FAM53B: variants seen among roughly 807,000 people sequenced by gnomAD.
FAM53B encodes family with sequence similarity 53 member B.
A neutral mutation model predicts 32.7 loss-of-function variants in FAM53B; 12 were observed. The ratio of observed to expected loss-of-function variants is 0.37; its 90% confidence interval spans 0.24 to 0.59. FAM53B has a LOEUF of 0.59. FAM53B is among the 20% of genes least tolerant of loss of function. The pLI, the probability that FAM53B is intolerant of heterozygous loss-of-function variation, is 0.72. For missense variants in FAM53B, 477 were observed against 577.7 expected, an observed-to-expected ratio of 0.83 and a Z score of 1.79; for synonymous variants, 234 against 228.7, an observed-to-expected ratio of 1.02 and a Z score of -0.21.
intron 4 of FAM53B, among the ~76,000 whole-genome samples, chr10:124,642,356 A>G (rs1300369766): frequency 6.6e-6 from 1 of 152,148 alleles, no homozygotes; most frequent in Non-Finnish European, 1.5e-5. Flanking sequence ...TCTCACACCA[A>G]CGCCTCTCCG....
At position 124,623,183 on chromosome 10, in the gene FAM53B, G is replaced by T; in HGVS notation, c.*59C>A. 2 of 1,515,730 alleles carry T rather than the reference G, an allele frequency of 1.3e-6. No homozygotes were observed. The highest frequency in any genetic ancestry group is 1.8e-6 in the Non-Finnish European group (2 of 1,131,650). The allele number at this position is 1,515,730 out of a possible 1,614,324, so 93.9% of individuals were successfully genotyped here. A position where few individuals can be genotyped will look rare whatever the true frequency, so the allele number is the denominator to read the frequency against. On this transcript the variant is annotated 3_prime_UTR_variant, in exon 5 of 5. Coordinates refer to ENST00000337318, the MANE Select transcript of FAM53B (RefSeq NM_014661.4). ...GCTCCCCTTCAAGGGCCCACCTAGT[G>T]CCCAGAGTGGGGGCTGTCGATGCCA...
chr10:124,707,597 G>A (rs922078404), intron 1 of FAM53B, among the ~76,000 whole-genome samples: 4 of 152,126 alleles, frequency 2.6e-5, no homozygotes, highest in African/African-American at 9.7e-5. Context: ...AAATTAGCTG[G>A]GCTTGGTGGC....
At chr10:124,638,431 G>C (rs997061272) in intron 4 of FAM53B, among the ~76,000 whole-genome samples, 6 of 152,160 alleles carry the variant, frequency 3.9e-5, no homozygotes, top group Admixed American at 6.5e-5. Flanking sequence ...GGCATGTTAC[G>C]CAATCTGAGT....
intron 2 of FAM53B, among the ~76,000 whole-genome samples, chr10:124,696,774 G>C (rs1212853500): frequency 1.3e-5 from 2 of 152,168 alleles, no homozygotes; most frequent in Non-Finnish European, 2.9e-5. Flanking sequence ...TCCCCTTGAG[G>C]CATTTTCTCT....
chr10:124,717,844 TC>T, intron 1 of FAM53B, among the ~76,000 whole-genome samples: 1 of 152,250 alleles, frequency 6.6e-6, no homozygotes, highest in East Asian at 1.9e-4. Flanking sequence ...CTAGGACAAC[TC>T]TCAGGACAAG....
chr10:124,662,264 C>G (rs1949636238), intron 4 of FAM53B, among the ~76,000 whole-genome samples: 1 of 152,338 alleles, frequency 6.6e-6, no homozygotes, highest in African/African-American at 2.4e-5. Context: ...TAAAGATAAT[C>G]CACAGCTACA....
chr10:124,669,046 C>A (rs1381736276), intron 4 of FAM53B, among the ~76,000 whole-genome samples: 1 of 152,204 alleles, frequency 6.6e-6, no homozygotes, highest in Non-Finnish European at 1.5e-5. Context: ...AAGTGCAGGG[C>A]TGGCTTGGAC....
chr10:124,680,202 A>C (rs1251941751), intron 4 of FAM53B, among the ~76,000 whole-genome samples: 1 of 152,242 alleles, frequency 6.6e-6, no homozygotes, highest in African/African-American at 2.4e-5. Context: ...CAATGGAAGA[A>C]ATGGAAACTA....
At chr10:124,700,780 T>G (rs1483559294) in intron 2 of FAM53B, among the ~76,000 whole-genome samples, 1 of 152,150 alleles carries the variant, frequency 6.6e-6, no homozygotes, top group Non-Finnish European at 1.5e-5. Context: ...CATTATCCAC[T>G]AAAGAAATCA....
At chr10:124,661,314 G>A (rs1223774554) in intron 4 of FAM53B, among the ~76,000 whole-genome samples, 1 of 152,152 alleles carries the variant, frequency 6.6e-6, no homozygotes, top group Non-Finnish European at 1.5e-5. Flanking sequence ...TCTGTCCTCT[G>A]TGAGTGTTCC....
intron 4 of FAM53B, among the ~76,000 whole-genome samples, chr10:124,644,260 G>C (rs1301240464): frequency 6.6e-6 from 1 of 152,176 alleles, no homozygotes; most frequent in African/African-American, 2.4e-5. Flanking sequence ...GAGTTAGCTG[G>C]GCTAGCACAG....
At chr10:124,635,999 T>C (rs1417601509) in intron 4 of FAM53B, among the ~76,000 whole-genome samples, 1 of 152,216 alleles carries the variant, frequency 6.6e-6, no homozygotes, top group Admixed American at 6.5e-5. Context: ...TCTGAGGGCA[T>C]GGGAGATGGG....
Position 124,622,303 on chromosome 10 carries a change from C to G in FAM53B, c.*939G>C, listed in dbSNP as rs1419887901. 1 of 152,350 alleles carries G rather than the reference C, an allele frequency of 6.6e-6. No individual in the cohort carries two copies. Among genetic ancestry groups the G allele is most frequent in the Non-Finnish European group, 1.5e-5 (1 of 68,132 alleles). 9.4% of individuals were successfully genotyped at this position (152,350 alleles called of 1,614,324 possible). On this transcript the variant is annotated 3_prime_UTR_variant, in exon 5 of 5. Coordinates refer to ENST00000337318, the MANE Select transcript of FAM53B (RefSeq NM_014661.4). ...TGCGCATAGGGCCCTCATCTGCCCA[C>G]CTGCTCGCAGCTCCCGTCTCCCGAG...
At chr10:124,728,039 G>A (rs989035020) in intron 1 of FAM53B, among the ~76,000 whole-genome samples, 6 of 152,162 alleles carry the variant, frequency 3.9e-5, no homozygotes, top group Admixed American at 1.3e-4. Flanking sequence ...TGATGCTGAC[G>A]ATTCAGACCC....
chr10:124,713,378 C>T (rs1159469994), intron 1 of FAM53B: 1 of 152,238 alleles, frequency 6.6e-6, no homozygotes, highest in Non-Finnish European at 1.5e-5. Flanking sequence ...GGGGGGACAG[C>T]TTTGCTCTCA....
At chr10:124,737,088 G>A (rs972969908) in intron 1 of FAM53B, among the ~76,000 whole-genome samples, 2 of 152,248 alleles carry the variant, frequency 1.3e-5, no homozygotes, top group Non-Finnish European at 2.9e-5. Context: ...CACAGGTTGT[G>A]CTGAGGATTA....
chr10:124,697,440 T>G (rs958709341), intron 2 of FAM53B, among the ~76,000 whole-genome samples: 1 of 151,930 alleles, frequency 6.6e-6, no homozygotes, highest in Non-Finnish European at 1.5e-5. Flanking sequence ...CCCCTCCAGG[T>G]AAGAAGGCGG....
chr10:124,636,061 G>C (rs532675672), intron 4 of FAM53B, among the ~76,000 whole-genome samples: 2 of 152,212 alleles, frequency 1.3e-5, no homozygotes. Flanking sequence ...TCGAACACGT[G>C]AATGTACTGT....
chr10:124,644,720 CGA>C (rs1279012727), intron 4 of FAM53B, among the ~76,000 whole-genome samples: 2 of 152,042 alleles, frequency 1.3e-5, no homozygotes, highest in East Asian at 1.9e-4. Flanking sequence ...GTAGGGAACC[CGA>C]GAGTGCAGAT....
Sources: gnomAD v4.1 joint callset for allele counts (sites outside exome capture counted in the v4.1 genomes callset) on GRCh38, gnomAD v4.1.1 for gene constraint, MANE v1.5 for transcripts, NCBI Gene and HGNC (gene_info 2026-07-23, HGNC 2026-07-21) for gene names.